Variants in KCNQ3 observed in about 807,000 individuals in gnomAD.
KCNQ3 encodes potassium voltage-gated channel subfamily Q member 3, also known as potassium voltage-gated channel subfamily KQT member 3.
Under a neutral mutation model 92.5 loss-of-function variants are expected in KCNQ3, and 30 were observed. That is an observed-to-expected ratio of 0.32 (90% CI 0.24 to 0.44). KCNQ3 has a LOEUF of 0.44. Ranked by LOEUF, KCNQ3 falls within the 20% of genes least tolerant of loss-of-function variation. The probability of loss-of-function intolerance (pLI) is 1.00; values close to 1 mark genes in which losing one functional copy is unlikely to be tolerated. For synonymous variants in KCNQ3, 450 were observed against 468.8 expected (o/e 0.96, Z 0.52); for missense variants, 913 against 1,140.3 (o/e 0.80, Z 2.87).
chr8:132,309,354 A>G (rs1055294751), intron 1 of KCNQ3, among the ~76,000 whole-genome samples: 4 of 152,156 alleles, frequency 2.6e-5, no homozygotes, highest in African/African-American at 9.7e-5. Flanking sequence ...ATTATTCCAC[A>G]AATATTTATT....
chr8:132,402,282 C>CA (rs1157787784), intron 1 of KCNQ3, among the ~76,000 whole-genome samples: 7 of 152,146 alleles, frequency 4.6e-5, no homozygotes, highest in Admixed American at 3.3e-4. Context: ...AACTGGCCCC[C>CA]ACTGCCCAGC....
chr8:132,200,303 C>T (rs1425525382), intron 1 of KCNQ3, among the ~76,000 whole-genome samples: 1 of 151,654 alleles, frequency 6.6e-6, no homozygotes, highest in Non-Finnish European at 1.5e-5. Flanking sequence ...TTTTATTATG[C>T]CACTGTATTT....
At chr8:132,177,036 T>C (rs765414985) in intron 4 of KCNQ3, among the ~76,000 whole-genome samples, 5 of 152,196 alleles carry the variant, frequency 3.3e-5, no homozygotes, top group Admixed American at 2.6e-4. Flanking sequence ...GACTAGTCCT[T>C]ACCCAGTGAT....
chr8:132,224,069 T>G (rs539092643), intron 1 of KCNQ3, among the ~76,000 whole-genome samples: 1 of 130,036 alleles, frequency 7.7e-6, no homozygotes, highest in South Asian at 2.7e-4. Context: ...ACACACACCA[T>G]CATGCCAGGC....
intron 1 of KCNQ3, among the ~76,000 whole-genome samples, chr8:132,258,878 G>A (rs1039285602): frequency 6.6e-5 from 10 of 152,022 alleles, no homozygotes; most frequent in Admixed American, 3.3e-4. Context: ...ATGAATAATT[G>A]TATGTCAAAA....
intron 1 of KCNQ3, among the ~76,000 whole-genome samples, chr8:132,425,517 T>C (rs1375532725): frequency 6.6e-6 from 1 of 152,152 alleles, no homozygotes; most frequent in South Asian, 2.1e-4. Flanking sequence ...CGAACTGATA[T>C]CATCATTACT....
chr8:132,331,445 G>A (rs1039002098), intron 1 of KCNQ3, among the ~76,000 whole-genome samples: 1 of 152,174 alleles, frequency 6.6e-6, no homozygotes, highest in African/African-American at 2.4e-5. Context: ...GGCCACCCGT[G>A]GGGCCTCTGG....
rs182980642 is a variant in KCNQ3 at position 132,258,046 on chromosome 8, C to G, written c.387-71865G>C. ...GAATCAAATTCAAGGGAGAAATAAA[C>G]AGTTTAAAAAGAATCACTGGAGATT... is the stretch of plus-strand genomic sequence containing the variant. On this transcript the variant is annotated intron_variant, in intron 1 of 14. Coordinates refer to ENST00000388996, the MANE Select transcript of KCNQ3 (RefSeq NM_004519.4). 1.8e-3 allele frequency among the ~76,000 whole-genome samples: 273 copies of G among 152,052 alleles called. 8 individuals carry two copies. The East Asian group carries it at 0.036, about 20-fold the overall frequency.
intron 1 of KCNQ3, among the ~76,000 whole-genome samples, chr8:132,313,205 T>G (rs1421824664): frequency 6.6e-6 from 1 of 152,180 alleles, no homozygotes; most frequent in Non-Finnish European, 1.5e-5. Flanking sequence ...GAACATTATC[T>G]TGAAGTCTTA....
chr8:132,417,202 A>G (rs180740162), intron 1 of KCNQ3, among the ~76,000 whole-genome samples: 72 of 152,356 alleles, frequency 4.7e-4, no homozygotes, highest in African/African-American at 1.7e-3. Context: ...AGGGAAATCA[A>G]CAAGGGAGGG....
At position 132,124,074 on chromosome 8, in the gene KCNQ3, A is replaced by G. The variant is rs1586744892; in HGVS notation, c.*5188T>C. The G allele has an allele frequency of 6.6e-6, 1 of 152,138 alleles. No individual in the cohort carries two copies. The highest frequency in any genetic ancestry group is 1.5e-5 in the Non-Finnish European group (1 of 68,026). The allele number at this position is 152,138 out of a possible 1,614,324, so 9.4% of individuals were successfully genotyped here. ...TCCAGATGGTGCAACATCTGGTACTATATGTCCAATGGAATTGCCACAACT... is the reference window on the plus strand; with the variant it reads ...TCCAGATGGTGCAACATCTGGTACTGTATGTCCAATGGAATTGCCACAACT... On this transcript the variant is annotated 3_prime_UTR_variant, in exon 15 of 15. Coordinates refer to ENST00000388996, the MANE Select transcript of KCNQ3 (RefSeq NM_004519.4).
At chr8:132,146,078 A>T (rs1281394278) in intron 9 of KCNQ3, among the ~76,000 whole-genome samples, 1 of 152,264 alleles carries the variant, frequency 6.6e-6, no homozygotes, top group Non-Finnish European at 1.5e-5. Context: ...AATACTATTT[A>T]AACAGAAATA....
chr8:132,433,328 G>A (rs1406598060), intron 1 of KCNQ3, among the ~76,000 whole-genome samples: 1 of 152,234 alleles, frequency 6.6e-6, no homozygotes, highest in Admixed American at 6.5e-5. Flanking sequence ...TGATGTGTGA[G>A]TTTGTTCTGA....
intron 4 of KCNQ3, among the ~76,000 whole-genome samples, chr8:132,179,443 G>A (rs989785005): frequency 4.6e-5 from 7 of 152,110 alleles, no homozygotes; most frequent in African/African-American, 1.7e-4. Context: ...GTGACCTTGA[G>A]CGGGTACTTC....
At chr8:132,355,264 A>G (rs990138290) in intron 1 of KCNQ3, among the ~76,000 whole-genome samples, 1 of 152,120 alleles carries the variant, frequency 6.6e-6, no homozygotes, top group African/African-American at 2.4e-5. Flanking sequence ...GTGAGCAAGG[A>G]TCACATATCT....
In KCNQ3 at chr8:132,468,825, G is replaced by C. The variant is rs1285877393; in HGVS notation, c.386+11322C>G. ...GCCCACCTCGGGGGGAAGCCAGCCA[G>C]AGCCCACGTATGGGATACCCCATGA... On this transcript the variant is annotated intron_variant, in intron 1 of 14. Coordinates refer to ENST00000388996, the MANE Select transcript of KCNQ3 (RefSeq NM_004519.4). Among the ~76,000 whole-genome samples the C allele has an allele frequency of 2.0e-5, 3 of 152,242 alleles. No individual in the cohort carries two copies. The East Asian group carries it at 5.8e-4, about 29-fold the overall frequency.
chr8:132,268,818 C>T (rs543602462), intron 1 of KCNQ3, among the ~76,000 whole-genome samples: 6 of 152,306 alleles, frequency 3.9e-5, no homozygotes, highest in African/African-American at 1.4e-4. Flanking sequence ...CTGTCTTCCA[C>T]AGTGGCTGTA....
intron 1 of KCNQ3, among the ~76,000 whole-genome samples, chr8:132,404,099 TA>T (rs570648824): frequency 6.3e-4 from 96 of 152,282 alleles, no homozygotes; most frequent in African/African-American, 2.3e-3. Flanking sequence ...TTCTCTTGCA[TA>T]AAACTCAGAG....
intron 1 of KCNQ3, among the ~76,000 whole-genome samples, chr8:132,264,008 C>G (rs1258282593): frequency 6.6e-6 from 1 of 152,164 alleles, no homozygotes; most frequent in Non-Finnish European, 1.5e-5. Flanking sequence ...TTCATAGTAG[C>G]TAATGTAGCC....
Sources: gnomAD v4.1 joint callset for allele counts (sites outside exome capture counted in the v4.1 genomes callset) on GRCh38, gnomAD v4.1.1 for gene constraint, MANE v1.5 for transcripts, NCBI Gene and HGNC (gene_info 2026-07-23, HGNC 2026-07-21) for gene names.